Variants in HIBADH observed in about 807,000 individuals in gnomAD.
HIBADH encodes 3-hydroxyisobutyrate dehydrogenase, mitochondrial.
In HIBADH, 25 loss-of-function variants were observed where a neutral mutation model predicts 36.1. The ratio of observed to expected loss-of-function variants is 0.69; its 90% confidence interval spans 0.50 to 0.97. The LOEUF (loss-of-function observed/expected upper bound fraction) is 0.97, where lower values mean the gene tolerates loss of function less well. HIBADH is among the 50% of genes least tolerant of loss of function. The probability of loss-of-function intolerance (pLI) is 0.00; values close to 1 mark genes in which losing one functional copy is unlikely to be tolerated. For synonymous variants in HIBADH, 160 were observed against 149.5 expected, an observed-to-expected ratio of 1.07 and a Z score of -0.51; for missense variants, 421 against 418.0, an observed-to-expected ratio of 1.01 and a Z score of -0.06.
intron 4 of HIBADH, among the ~76,000 whole-genome samples, chr7:27,598,352 T>C (rs1403044087): frequency 6.6e-6 from 1 of 152,228 alleles, no homozygotes; most frequent in Non-Finnish European, 1.5e-5. Flanking sequence ...TATTTCTCTC[T>C]AGAAGTTATG....
intron 4 of HIBADH, among the ~76,000 whole-genome samples, chr7:27,584,462 A>T (rs1326980009): frequency 6.6e-6 from 1 of 152,088 alleles, no homozygotes; most frequent in African/African-American, 2.4e-5. Flanking sequence ...CAAAATTCTA[A>T]TTTTTACTTG....
chr7:27,624,797 C>T (rs766438696), intron 4 of HIBADH, among the ~76,000 whole-genome samples: 20 of 152,170 alleles, frequency 1.3e-4, no homozygotes, highest in Non-Finnish European at 2.8e-4. Flanking sequence ...TACTTCCACC[C>T]TTGGTAAAAT....
In HIBADH at chr7:27,538,358, A is replaced by G. The variant is rs568834701; in HGVS notation, c.678T>C (p.Ala226=). The change falls in exon 6 of 8, where the codon GCT becomes GCC. Residue 226 remains alanine, a synonymous_variant. Coordinates refer to ENST00000265395, the MANE Select transcript of HIBADH (RefSeq NM_152740.4). ...LAISMIGTAE[A]MNLGIRLGLD... ...CAACAAACCTGATTCCAAGATTCAT[A>G]GCTTCAGCAGTTCCAATCATACTAA... The G allele has an allele frequency of 6.2e-7, 1 of 1,612,842 alleles. No homozygotes were observed. Among genetic ancestry groups the G allele is most frequent in the African/African-American group, 1.3e-5 (1 of 75,016 alleles).
At chr7:27,645,990 T>G (rs564764319) in intron 2 of HIBADH, among the ~76,000 whole-genome samples, 2 of 152,312 alleles carry the variant, frequency 1.3e-5, no homozygotes, top group African/African-American at 4.8e-5. Flanking sequence ...ATTTTGTTGC[T>G]CATGCTCTTG....
At chr7:27,558,237 T>C (rs573352608) in intron 4 of HIBADH, among the ~76,000 whole-genome samples, 34 of 152,346 alleles carry the variant, frequency 2.2e-4, no homozygotes, top group African/African-American at 7.9e-4. Context: ...TCCTAATTAA[T>C]TCCAATTACC....
In HIBADH at chr7:27,538,414, C is replaced by T. The variant is rs1200011190; in HGVS notation, c.622G>A (p.Ala208Thr). Reference sequence around the variant, plus strand: ...AACAGCATGTTGTTGCAGATCTTTGCCGCCTGAAAATAAATTGAGTACATA... The same window carrying T: ...AACAGCATGTTGTTGCAGATCTTTGTCGCCTGAAAATAAATTGAGTACATA... ...YCGAVGTGQA[A>T]KICNNMLLAI... The change falls in exon 6 of 8, where the codon GCA becomes ACA. Residue 208 changes from alanine to threonine, a missense_variant. Ala to Thr is a moderately conservative substitution (Grantham distance 58). Transcript: ENST00000265395. 2 of 1,612,008 alleles carry T rather than the reference C, an allele frequency of 1.2e-6. No homozygotes were observed.
intron 4 of HIBADH, among the ~76,000 whole-genome samples, chr7:27,623,484 G>T (rs1269956559): frequency 2.6e-5 from 4 of 152,100 alleles, no homozygotes; most frequent in Non-Finnish European, 5.9e-5. Context: ...CTGATGATAT[G>T]ATCTTACACC....
chr7:27,656,754 T>C (rs536860608), intron 1 of HIBADH, among the ~76,000 whole-genome samples: 1 of 152,272 alleles, frequency 6.6e-6, no homozygotes, highest in South Asian at 2.1e-4. Flanking sequence ...TATAATAAAA[T>C]GAAATAAATG....
chr7:27,594,550 AAATT>A (rs1784998850), intron 4 of HIBADH, among the ~76,000 whole-genome samples: 1 of 152,242 alleles, frequency 6.6e-6, no homozygotes, highest in Non-Finnish European at 1.5e-5. Context: ...AATTTTCCAT[AAATT>A]AATCCATAAA....
intron 4 of HIBADH, among the ~76,000 whole-genome samples, chr7:27,627,390 C>T (rs915822196): frequency 3.3e-5 from 5 of 152,106 alleles, no homozygotes; most frequent in African/African-American, 1.2e-4. Flanking sequence ...CCTGTTCAGA[C>T]CCTTTACAAG....
chr7:27,634,712 T>C (rs1022623532), intron 2 of HIBADH, among the ~76,000 whole-genome samples: 2 of 152,226 alleles, frequency 1.3e-5, no homozygotes, highest in Admixed American at 6.5e-5. Context: ...TCTCTCCCAC[T>C]GAAAGAAATT....
chr7:27,535,781 A>AT (rs1784062950), intron 6 of HIBADH, among the ~76,000 whole-genome samples: 2 of 152,178 alleles, frequency 1.3e-5, no homozygotes, highest in African/African-American at 4.8e-5. Flanking sequence ...ACATTTAAAA[A>AT]TTTTGCTAAC....
At chr7:27,652,242 C>T (rs1335108640) in intron 1 of HIBADH, among the ~76,000 whole-genome samples, 1 of 152,086 alleles carries the variant, frequency 6.6e-6, no homozygotes, top group African/African-American at 2.4e-5. Flanking sequence ...CACTTGTAAA[C>T]ATTGTATGAT....
intron 4 of HIBADH, among the ~76,000 whole-genome samples, chr7:27,567,654 C>T (rs564980558): frequency 3.3e-5 from 5 of 151,962 alleles, no homozygotes; most frequent in African/African-American, 1.2e-4. Flanking sequence ...TGTGTGCGTG[C>T]GTGCACACGT....
At chr7:27,556,596 G>T (rs1285423151) in intron 4 of HIBADH, among the ~76,000 whole-genome samples, 1 of 152,032 alleles carries the variant, frequency 6.6e-6, no homozygotes, top group Non-Finnish European at 1.5e-5. Context: ...TTTATTTTCA[G>T]TGTATGGGGT....
chr7:27,649,194 A>C (rs1374561249), intron 2 of HIBADH: 5 of 257,416 alleles, frequency 1.9e-5, no homozygotes, highest in Non-Finnish European at 3.6e-5. Context: ...TAAAGTTACT[A>C]TCTCAGAAAA....
intron 2 of HIBADH, among the ~76,000 whole-genome samples, chr7:27,633,815 A>G (rs1003016906): frequency 2.0e-5 from 3 of 152,182 alleles, no homozygotes; most frequent in Admixed American, 1.3e-4. Context: ...AAAAACTAAC[A>G]TATTTCTACA....
chr7:27,581,418 A>C, intron 4 of HIBADH, among the ~76,000 whole-genome samples: 1 of 152,196 alleles, frequency 6.6e-6, no homozygotes, highest in East Asian at 1.9e-4. Context: ...GTGTTTAATT[A>C]TTCTGCTTCA....
At chr7:27,581,863 CA>C (rs1784797949) in intron 4 of HIBADH, among the ~76,000 whole-genome samples, 1 of 151,468 alleles carries the variant, frequency 6.6e-6, no homozygotes, top group Admixed American at 6.6e-5. Context: ...AAACCCAATT[CA>C]AATGGATTTA....
Sources: allele counts gnomAD v4.1 joint callset (sites outside exome capture counted in the v4.1 genomes callset), GRCh38; gene constraint gnomAD v4.1.1; transcripts MANE v1.5; gene names NCBI Gene and HGNC (gene_info 2026-07-23, HGNC 2026-07-21).